CSMD1: variants seen among roughly 807,000 people sequenced by gnomAD.
CSMD1 encodes CUB and Sushi multiple domains 1.
Under a neutral mutation model 417.5 loss-of-function variants are expected in CSMD1, and 213 were observed. That is an observed-to-expected ratio of 0.51 (90% CI 0.46 to 0.57). The LOEUF (loss-of-function observed/expected upper bound fraction) is 0.57. CSMD1 is among the 20% of genes least tolerant of loss of function. CSMD1 has a pLI of 0.00. For missense variants in CSMD1, 6,923 were observed against 4,529.7 expected (o/e 1.53, Z -15.17); for synonymous variants, 2,862 against 1,736.8 (o/e 1.65, Z -16.11).
chr8:3,975,320 C>T (rs1813358913), intron 5 of CSMD1, among the ~76,000 whole-genome samples: 2 of 152,120 alleles, frequency 1.3e-5, no homozygotes, highest in Non-Finnish European at 2.9e-5. Flanking sequence ...GCCCTTAGAA[C>T]AGTTTGGATG....
intron 1 of CSMD1, among the ~76,000 whole-genome samples, chr8:4,956,815 G>A (rs1049070619): frequency 2.0e-5 from 3 of 152,122 alleles, no homozygotes; most frequent in African/African-American, 7.2e-5. Context: ...CCTCCCACCT[G>A]TTGCATTGCT....
intron 7 of CSMD1, among the ~76,000 whole-genome samples, chr8:3,625,547 C>A (rs1796450631): frequency 6.6e-6 from 1 of 152,144 alleles, no homozygotes; most frequent in African/African-American, 2.4e-5. Flanking sequence ...TCTAACTCAA[C>A]TGCCATGGTC....
chr8:4,298,688 T>C (rs1797815438), intron 3 of CSMD1, among the ~76,000 whole-genome samples: 2 of 152,156 alleles, frequency 1.3e-5, no homozygotes, highest in Non-Finnish European at 2.9e-5. Flanking sequence ...CATTTACATC[T>C]TCAGGCTACT....
chr8:2,973,604 C>T (rs2128933886), intron 56 of CSMD1, among the ~76,000 whole-genome samples: 1 of 149,584 alleles, frequency 6.7e-6, no homozygotes, highest in Non-Finnish European at 1.5e-5. Context: ...CACGTCTTCA[C>T]TGAAAAGGTA....
At chr8:4,031,406 G>T (rs895031941) in intron 4 of CSMD1, among the ~76,000 whole-genome samples, 1 of 152,156 alleles carries the variant, frequency 6.6e-6, no homozygotes. Flanking sequence ...TTGTGCAGGG[G>T]AACTCCTCTT....
At chr8:3,163,940 C>G (rs1177387943) in intron 37 of CSMD1, among the ~76,000 whole-genome samples, 2 of 152,302 alleles carry the variant, frequency 1.3e-5, no homozygotes, top group East Asian at 3.9e-4. Context: ...GTATATGAGC[C>G]TGATCTCTCA....
At chr8:3,799,702 C>T (rs560881124) in intron 5 of CSMD1, among the ~76,000 whole-genome samples, 11 of 151,968 alleles carry the variant, frequency 7.2e-5, no homozygotes, top group Non-Finnish European at 1.2e-4. Context: ...GTTAAGTCTG[C>T]CAGCTGAACG....
intron 3 of CSMD1, among the ~76,000 whole-genome samples, chr8:4,089,164 C>A (rs965822155): frequency 2.6e-5 from 4 of 152,152 alleles, no homozygotes; most frequent in Non-Finnish European, 2.9e-5. Flanking sequence ...AAGACATTCC[C>A]CACTCTTTAT....
chr8:4,181,439 A>C (rs1487104903), intron 3 of CSMD1, among the ~76,000 whole-genome samples: 1 of 152,084 alleles, frequency 6.6e-6, no homozygotes, highest in African/African-American at 2.4e-5. Flanking sequence ...AACATTGGAA[A>C]AAGAACTGTC....
intron 7 of CSMD1, among the ~76,000 whole-genome samples, chr8:3,699,601 C>T (rs1800735664): frequency 6.6e-6 from 1 of 152,054 alleles, no homozygotes. Context: ...AGTGAATTTC[C>T]ATTTTTACTC....
At chr8:4,921,741 T>C (rs1242743090) in intron 1 of CSMD1, among the ~76,000 whole-genome samples, 3 of 152,214 alleles carry the variant, frequency 2.0e-5, no homozygotes, top group Non-Finnish European at 4.4e-5. Context: ...AATGTGTTCC[T>C]TGTTGTTCTG....
intron 51 of CSMD1, among the ~76,000 whole-genome samples, chr8:3,022,367 C>T (rs909105577): frequency 2.6e-5 from 4 of 151,684 alleles, no homozygotes; most frequent in African/African-American, 7.3e-5. Flanking sequence ...CCACAGCATC[C>T]GGAATGCACC....
At chr8:4,912,495 G>C (rs1228934253) in intron 1 of CSMD1, among the ~76,000 whole-genome samples, 2 of 151,990 alleles carry the variant, frequency 1.3e-5, no homozygotes, top group East Asian at 1.9e-4. Flanking sequence ...TCCATACAAA[G>C]TGCCAGAGGC....
At chr8:3,578,293 G>C (rs181863535) in intron 9 of CSMD1, among the ~76,000 whole-genome samples, 2 of 145,754 alleles carry the variant, frequency 1.4e-5, no homozygotes, top group South Asian at 2.2e-4. Flanking sequence ...GCTTTGTACT[G>C]AGTAGATCCA....
intron 3 of CSMD1, among the ~76,000 whole-genome samples, chr8:4,103,940 C>A (rs1801434240): frequency 6.6e-6 from 1 of 152,164 alleles, no homozygotes; most frequent in Non-Finnish European, 1.5e-5. Context: ...TTGCAACATT[C>A]ACTCCTCAAA....
At chr8:3,597,950 C>A (rs538938134) in intron 8 of CSMD1, among the ~76,000 whole-genome samples, 6 of 152,154 alleles carry the variant, frequency 3.9e-5, no homozygotes, top group Non-Finnish European at 8.8e-5. Context: ...CAAACCTGCA[C>A]GTTGTGCACA....
At chr8:3,495,895 C>G (rs1024979405) in intron 10 of CSMD1, among the ~76,000 whole-genome samples, 4 of 152,110 alleles carry the variant, frequency 2.6e-5, no homozygotes, top group African/African-American at 9.7e-5. Context: ...TCTTTTTTTA[C>G]ATATAATTAT....
chr8:3,128,882 C>A (rs1196977385), intron 41 of CSMD1: 2 of 454,820 alleles, frequency 4.4e-6, no homozygotes, highest in Non-Finnish European at 8.8e-6. Context: ...GAAAGCAGGA[C>A]CAATGTTTCC....
intron 3 of CSMD1, among the ~76,000 whole-genome samples, chr8:4,175,504 C>G (rs1324397883): frequency 6.6e-6 from 1 of 152,058 alleles, no homozygotes; most frequent in Non-Finnish European, 1.5e-5. Context: ...AAACATTACA[C>G]AAAGACAACT....
Sources: gnomAD v4.1 joint callset for allele counts (sites outside exome capture counted in the v4.1 genomes callset) on GRCh38, gnomAD v4.1.1 for gene constraint, MANE v1.5 for transcripts, NCBI Gene and HGNC (gene_info 2026-07-23, HGNC 2026-07-21) for gene names.